NEXMIF: variants seen among roughly 807,000 people sequenced by gnomAD.
NEXMIF encodes XLMR protein related to neurite extension.
Under a neutral mutation model 62.1 loss-of-function variants are expected in NEXMIF, and 8 were observed. The observed-to-expected ratio is 0.13, with a 90% CI of 0.08 to 0.23. The LOEUF is 0.23. Among genes scored for constraint, NEXMIF ranks in the 10% least tolerant of loss-of-function variants. The pLI, the probability that NEXMIF is intolerant of heterozygous loss-of-function variation, is 1.00. For synonymous variants in NEXMIF, 404 were observed against 416.6 expected, an observed-to-expected ratio of 0.97 and a Z score of 0.37; for missense variants, 976 against 1,113.3, an observed-to-expected ratio of 0.88 and a Z score of 1.75.
chrX:74,819,445 G>C (rs948907044), intron 1 of NEXMIF, among the ~76,000 whole-genome samples: 2 of 111,790 alleles, frequency 1.8e-5, no homozygotes, highest in Non-Finnish European at 3.8e-5. Context: ...ATCTGACAAA[G>C]GGCTGATATC....
intron 1 of NEXMIF, among the ~76,000 whole-genome samples, chrX:74,750,143 A>G (rs2080137708): frequency 9.0e-6 from 1 of 111,237 alleles, no homozygotes; most frequent in African/African-American, 3.3e-5. Context: ...AAAAGATTAG[A>G]ATTCAGGAGG....
At chrX:74,900,190 C>A (rs1246164040) in intron 1 of NEXMIF, among the ~76,000 whole-genome samples, 1 of 111,057 alleles carries the variant, frequency 9.0e-6, no homozygotes, top group Non-Finnish European at 1.9e-5. Flanking sequence ...CAGGGCCAGG[C>A]GCGGTGGCTC....
intron 1 of NEXMIF, among the ~76,000 whole-genome samples, chrX:74,838,945 CCTTA>C (rs2080465683): frequency 8.9e-6 from 1 of 111,782 alleles, no homozygotes; most frequent in African/African-American, 3.2e-5. Context: ...TCTGCTCAGT[CCTTA>C]CTTAGGATAT....
chrX:74,739,626 G>A (rs1343697626), intron 3 of NEXMIF, 128 bp from the exon 4 acceptor site: 25 of 430,961 alleles, frequency 5.8e-5, no homozygotes, highest in Non-Finnish European at 9.6e-5. Context: ...GATACAAATA[G>A]CATGGGGCAC....
At chrX:74,781,150 C>T (rs181922789) in intron 1 of NEXMIF, among the ~76,000 whole-genome samples, 1 of 112,195 alleles carries the variant, frequency 8.9e-6, no homozygotes, top group East Asian at 2.8e-4. Context: ...TAGCTCTTCT[C>T]CTTTTAGCTT....
At chrX:74,765,651 C>T (rs1364238412) in intron 1 of NEXMIF, among the ~76,000 whole-genome samples, 1 of 110,369 alleles carries the variant, frequency 9.1e-6, no homozygotes, top group Non-Finnish European at 1.9e-5. Context: ...ATTTGCTTAT[C>T]TGAAAAGGAC....
chrX:74,792,395 G>T (rs1366687816), intron 1 of NEXMIF, among the ~76,000 whole-genome samples: 29 of 104,257 alleles, frequency 2.8e-4, no homozygotes, highest in Non-Finnish European at 5.3e-4. Flanking sequence ...TTACTTCCAA[G>T]TATGTGGTCA....
intron 1 of NEXMIF, among the ~76,000 whole-genome samples, chrX:74,842,916 T>C (rs2080478598): frequency 8.9e-6 from 1 of 112,204 alleles, no homozygotes; most frequent in African/African-American, 3.2e-5. Context: ...TTAGAGTATG[T>C]GCCACGTGGC....
intron 1 of NEXMIF, among the ~76,000 whole-genome samples, chrX:74,795,067 A>T (rs1028645577): frequency 8.9e-6 from 1 of 112,095 alleles, no homozygotes; most frequent in East Asian, 2.8e-4. Flanking sequence ...ATTTCAGTCC[A>T]GCTCAGGAAC....
chrX:74,836,875 A>G (rs1457700928), intron 1 of NEXMIF, among the ~76,000 whole-genome samples: 1 of 111,007 alleles, frequency 9.0e-6, no homozygotes, highest in African/African-American at 3.3e-5. Flanking sequence ...TGGAAATTGC[A>G]GTCACTGTGT....
At chrX:74,779,494 G>A (rs762539363) in intron 1 of NEXMIF, among the ~76,000 whole-genome samples, 1 of 111,620 alleles carries the variant, frequency 9.0e-6, no homozygotes, top group African/African-American at 3.3e-5. Flanking sequence ...AGTCTCCTTT[G>A]CCAGGCCTTC....
chrX:74,896,850 GAA>G (rs1272533890), intron 1 of NEXMIF, among the ~76,000 whole-genome samples: 1 of 111,875 alleles, frequency 8.9e-6, no homozygotes, highest in African/African-American at 3.2e-5. Context: ...GATAAGTGCT[GAA>G]AAAGACACAA....
At chrX:74,790,821 G>T (rs2080279339) in intron 1 of NEXMIF, among the ~76,000 whole-genome samples, 1 of 111,013 alleles carries the variant, frequency 9.0e-6, no homozygotes, top group Non-Finnish European at 1.9e-5. Flanking sequence ...TTTGTACATT[G>T]ATTTTGTATC....
At chrX:74,767,367 C>A (rs1308759426) in intron 1 of NEXMIF, among the ~76,000 whole-genome samples, 1 of 112,752 alleles carries the variant, frequency 8.9e-6, no homozygotes, top group Non-Finnish European at 1.9e-5. Context: ...GCAAAGATGG[C>A]GGCCTGTCCC....
intron 1 of NEXMIF, among the ~76,000 whole-genome samples, chrX:74,918,002 A>C (rs1194911181): frequency 9.0e-6 from 1 of 111,331 alleles, no homozygotes; most frequent in African/African-American, 3.3e-5. Context: ...TGTGAAGGCT[A>C]ATCAGAAAAA....
chrX:74,854,172 C>T (rs1487264452), intron 1 of NEXMIF, among the ~76,000 whole-genome samples: 4 of 111,756 alleles, frequency 3.6e-5, no homozygotes, highest in Admixed American at 1.9e-4. Context: ...ATGCAAAACT[C>T]CTTAACTACA....
chrX:74,785,190 T>C (rs773549650), intron 1 of NEXMIF, among the ~76,000 whole-genome samples: 1 of 111,360 alleles, frequency 9.0e-6, no homozygotes, highest in East Asian at 2.8e-4. Flanking sequence ...TTCTAGCAAA[T>C]CAGTGAACCT....
chrX:74,739,986 GTTTC>G (rs1331964787), intron 3 of NEXMIF, 110 bp downstream of exon 3: 1 of 648,150 alleles, frequency 1.5e-6, no homozygotes, highest in South Asian at 3.0e-5. Context: ...GAATGGGACA[GTTTC>G]TTTCATGCAA....
intron 1 of NEXMIF, among the ~76,000 whole-genome samples, chrX:74,885,843 A>G (rs775863093): frequency 2.7e-5 from 3 of 111,477 alleles, no homozygotes; most frequent in Non-Finnish European, 3.8e-5. Context: ...GAGACACAAC[A>G]AAAAAAGAGA....
Sources: allele counts gnomAD v4.1 joint callset (sites outside exome capture counted in the v4.1 genomes callset), GRCh38; gene constraint gnomAD v4.1.1; transcripts MANE v1.5; gene names NCBI Gene and HGNC (gene_info 2026-07-23, HGNC 2026-07-21).